RAPGEF6: variants seen among roughly 807,000 people sequenced by gnomAD.
RAPGEF6 encodes the protein PDZ domain containing guanine nucleotide exchange factor (GEF) 2.
RAPGEF6 carries 56 observed loss-of-function variants against 171.4 expected under a neutral mutation model. The observed-to-expected ratio is 0.33, with a 90% confidence interval of 0.26 to 0.41. RAPGEF6 has a LOEUF of 0.41. Among genes scored for constraint, RAPGEF6 ranks in the 10% least tolerant of loss-of-function variants. The pLI, the probability that RAPGEF6 is intolerant of heterozygous loss-of-function variation, is 1.00. For missense variants in RAPGEF6, 1,674 were observed against 1,921.4 expected (o/e 0.87, Z 2.41); for synonymous variants, 692 against 650.1 (o/e 1.06, Z -0.98).
intron 3 of RAPGEF6, among the ~76,000 whole-genome samples, chr5:131,600,607 G>GAGAGAAGAGGAGAGA (rs1287484119): frequency 1.4e-5 from 2 of 145,962 alleles, no homozygotes; most frequent in African/African-American, 5.0e-5. Flanking sequence ...GAAGGGAGGG[G>GAGAGAAGAGGAGAGA]AGAGAAGAGG....
rs1751368222 is a variant in RAPGEF6 at position 131,425,824 on chromosome 5, A to C, written c.*1442T>G. 1 of 150,562 alleles carries C rather than the reference A, an allele frequency of 6.6e-6. No individual in the cohort carries two copies. Among genetic ancestry groups the C allele is most frequent in the African/African-American group, 2.5e-5 (1 of 40,648 alleles). The allele number at this position is 150,562 out of a possible 1,614,324, so 9.3% of individuals were successfully genotyped here. ...CCTATGTGGACACATACGGACAGCC[A>C]TTCAGAAGTAAACCCCTTTTGGCTC... is the stretch of plus-strand genomic sequence containing the variant. On this transcript the variant is annotated 3_prime_UTR_variant, in exon 28 of 28. Coordinates refer to ENST00000509018, the MANE Select transcript of RAPGEF6 (RefSeq NM_016340.6).
intron 6 of RAPGEF6, among the ~76,000 whole-genome samples, chr5:131,544,538 TG>T (rs1760379619): frequency 6.6e-6 from 1 of 152,096 alleles, no homozygotes; most frequent in Non-Finnish European, 1.5e-5. Flanking sequence ...AATGGTTGCT[TG>T]AGGATGGGTA....
At chr5:131,593,092 A>G (rs1316051073) in intron 3 of RAPGEF6, among the ~76,000 whole-genome samples, 1 of 152,244 alleles carries the variant, frequency 6.6e-6, no homozygotes, top group Non-Finnish European at 1.5e-5. Context: ...AGTCACTAGT[A>G]AACAGAAAAT....
intron 13 of RAPGEF6, among the ~76,000 whole-genome samples, chr5:131,493,911 T>C (rs1416641803): frequency 6.6e-6 from 1 of 152,218 alleles, no homozygotes; most frequent in Admixed American, 6.5e-5. Context: ...TTCCCAGTGT[T>C]GTTCACTCTC....
intron 4 of RAPGEF6, 87 bp from the exon 5 acceptor site, chr5:131,562,134 A>C: frequency 1.2e-6 from 1 of 863,290 alleles, no homozygotes; most frequent in Non-Finnish European, 1.8e-6. Flanking sequence ...AACAACAAAA[A>C]AGCCCTGAGA....
At chr5:131,599,778 T>C (rs1217371817) in intron 3 of RAPGEF6, among the ~76,000 whole-genome samples, 6 of 151,908 alleles carry the variant, frequency 3.9e-5, no homozygotes, top group Admixed American at 3.3e-4. Context: ...TTTGATAAAT[T>C]TTTTTTTAAA....
At chr5:131,528,194 TTATA>T (rs1200924334) in intron 6 of RAPGEF6, among the ~76,000 whole-genome samples, 98 of 126,240 alleles carry the variant, frequency 7.8e-4, no homozygotes, top group South Asian at 6.6e-3. Context: ...TATATTATAA[TTATA>T]TATATTATAT....
intron 4 of RAPGEF6, among the ~76,000 whole-genome samples, chr5:131,568,890 A>G (rs1762109716): frequency 6.6e-6 from 1 of 152,246 alleles, no homozygotes; most frequent in Non-Finnish European, 1.5e-5. Context: ...TATCAAGGTC[A>G]CAGGATATAA....
intron 5 of RAPGEF6, among the ~76,000 whole-genome samples, chr5:131,553,166 A>G (rs566165044): frequency 5.9e-5 from 9 of 152,294 alleles, no homozygotes; most frequent in Admixed American, 4.6e-4. Flanking sequence ...ACCCTGCTGA[A>G]GCACAAGAGC....
At chr5:131,463,824 C>G in intron 18 of RAPGEF6, 1 of 1,200,808 alleles carries the variant, frequency 8.3e-7, no homozygotes, top group Non-Finnish European at 1.0e-6. Context: ...AGATTTGTAT[C>G]ATTCAGCTTC....
chr5:131,526,353 G>A (rs1206371101), intron 6 of RAPGEF6, among the ~76,000 whole-genome samples: 1 of 151,982 alleles, frequency 6.6e-6, no homozygotes, highest in Non-Finnish European at 1.5e-5. Context: ...AACAAGATGA[G>A]GTAATACTAT....
At chr5:131,550,254 T>C (rs1760836606) in intron 5 of RAPGEF6, among the ~76,000 whole-genome samples, 2 of 152,204 alleles carry the variant, frequency 1.3e-5, no homozygotes, top group South Asian at 4.1e-4. Flanking sequence ...ATCACCTAGA[T>C]AATCACCATT....
At chr5:131,596,139 G>A (rs1279897211) in intron 3 of RAPGEF6, among the ~76,000 whole-genome samples, 7 of 146,328 alleles carry the variant, frequency 4.8e-5, no homozygotes, top group Admixed American at 2.8e-4. Flanking sequence ...GGGGAGCAGT[G>A]CGAGACTCCA....
intron 19 of RAPGEF6, among the ~76,000 whole-genome samples, chr5:131,457,104 C>A (rs1753564762): frequency 6.6e-6 from 1 of 152,154 alleles, no homozygotes; most frequent in Non-Finnish European, 1.5e-5. Flanking sequence ...CTCTGTTGCC[C>A]AGGCTGGAGT....
chr5:131,580,382 C>T (rs1004262644), intron 4 of RAPGEF6, among the ~76,000 whole-genome samples: 4 of 152,144 alleles, frequency 2.6e-5, no homozygotes, highest in Non-Finnish European at 5.9e-5. Context: ...CGCACGAGCG[C>T]TGAGCGCAGC....
At position 131,424,216 on chromosome 5, in the gene RAPGEF6, T is replaced by C. The variant is rs1278074953; in HGVS notation, c.*3050A>G. ...TCTGTCTTTTGCTGATTAGCTTACA[T>C]GTCTCAATTTTAAAAGATCAAGTTC... On this transcript the variant is annotated 3_prime_UTR_variant, in exon 28 of 28. Coordinates refer to ENST00000509018, the MANE Select transcript of RAPGEF6 (RefSeq NM_016340.6). 1 of 152,378 alleles carries C rather than the reference T, an allele frequency of 6.6e-6. No homozygotes were observed. The highest frequency in any genetic ancestry group is 2.4e-5 in the African/African-American group (1 of 41,480). 9.4% of individuals were successfully genotyped at this position (152,378 alleles called of 1,614,324 possible). A position where few individuals can be genotyped will look rare whatever the true frequency, so the allele number is the denominator to read the frequency against.
intron 4 of RAPGEF6, among the ~76,000 whole-genome samples, chr5:131,583,871 A>G (rs531692909): frequency 6.6e-6 from 1 of 152,360 alleles, no homozygotes; most frequent in South Asian, 2.1e-4. Flanking sequence ...TGAAATATTG[A>G]TACACATAAC....
intron 7 of RAPGEF6, among the ~76,000 whole-genome samples, chr5:131,512,832 T>C (rs150499178): frequency 6.5e-4 from 99 of 152,316 alleles, no homozygotes; most frequent in Middle Eastern, 3.4e-3. Context: ...CCTTCTACTC[T>C]GTGAAGCTAC....
In RAPGEF6 at chr5:131,462,004, G is replaced by C. The variant is rs1753966199; in HGVS notation, c.2565C>G (p.Ser855=). Residue 855 remains serine, a synonymous_variant, in exon 19 of 28, where the codon TCC becomes TCG. Transcript: ENST00000509018. Reference sequence around the variant, plus strand: ...CCTCAATGGTACTGAGCTGCAGCATGGATAGCTGGCTTTCCTTAACTAGTT... The same window carrying C: ...CCTCAATGGTACTGAGCTGCAGCATCGATAGCTGGCTTTCCTTAACTAGTT... ...AQELVKESQL[S]MLQLSTIEVA... is the part of the protein sequence containing the mutation. 17 of 1,613,664 alleles carry C rather than the reference G, an allele frequency of 1.1e-5. No homozygotes were observed. The highest frequency in any genetic ancestry group is 1.3e-5 in the Non-Finnish European group (15 of 1,179,830).
Sources: allele counts gnomAD v4.1 joint callset (sites outside exome capture counted in the v4.1 genomes callset), GRCh38; gene constraint gnomAD v4.1.1; transcripts MANE v1.5; gene names NCBI Gene and HGNC (gene_info 2026-07-23, HGNC 2026-07-21).